Variants in SPINT2 observed in about 807,000 individuals in gnomAD.
The protein encoded by SPINT2 is kunitz-type protease inhibitor 2.
A neutral mutation model predicts 30.1 loss-of-function variants in SPINT2; 18 were observed. That is an observed-to-expected ratio of 0.60 (90% CI 0.41 to 0.89). The LOEUF (loss-of-function observed/expected upper bound fraction) is 0.89, where lower values mean the gene tolerates loss of function less well. Ranked by LOEUF, SPINT2 falls within the 40% of genes least tolerant of loss-of-function variation. The pLI, the probability that SPINT2 is intolerant of heterozygous loss-of-function variation, is 0.00. For missense variants in SPINT2, 276 were observed against 334.3 expected, an observed-to-expected ratio of 0.83 and a Z score of 1.36; for synonymous variants, 139 against 137.9, an observed-to-expected ratio of 1.01 and a Z score of -0.05.
chr19:38,281,255 G>A (rs1968578128), intron 1 of SPINT2, among the ~76,000 whole-genome samples: 1 of 152,042 alleles, frequency 6.6e-6, no homozygotes, highest in Non-Finnish European at 1.5e-5. Context: ...TGGACAAAAG[G>A]TGCCCCTATT....
At chr19:38,282,935 C>T (rs181074359) in intron 1 of SPINT2, among the ~76,000 whole-genome samples, 36 of 152,264 alleles carry the variant, frequency 2.4e-4, no homozygotes, top group African/African-American at 4.1e-4. Flanking sequence ...GACCTTTCAG[C>T]CCTAAGCTCC....
intron 1 of SPINT2, among the ~76,000 whole-genome samples, chr19:38,279,315 A>G (rs1218574581): frequency 1.3e-5 from 2 of 151,904 alleles, no homozygotes; most frequent in East Asian, 1.9e-4. Context: ...CCTCACCAAC[A>G]TTGAGAAACC....
chr19:38,264,874 C>G lies in SPINT2; in HGVS notation c.-19C>G, dbSNP rs1271789110. On this transcript the variant is annotated 5_prime_UTR_variant, in exon 1 of 7. Transcript: ENST00000301244. ...CCAACGGCTGGTGGCGTCGCCTGCG[C>G]GTCTCGGCTGAGCTGGCCATGGCGC... 2.2e-5 allele frequency: 34 copies of G among 1,532,012 alleles called. No individual in the cohort carries two copies. In the East Asian group the frequency reaches 8.1e-4, roughly 36 times the overall value. 94.9% of individuals were successfully genotyped at this position (1,532,012 alleles called of 1,614,324 possible).
intron 1 of SPINT2, among the ~76,000 whole-genome samples, chr19:38,270,514 A>G (rs1481653609): frequency 6.6e-6 from 1 of 152,202 alleles, no homozygotes; most frequent in Non-Finnish European, 1.5e-5. Flanking sequence ...GAACAGATGA[A>G]TGTATGTCTG....
Position 38,283,689 on chromosome 19 carries a change from A to T in SPINT2, c.169A>T (p.Asn57Tyr). The change falls in exon 2 of 7, where the codon AAT becomes TAT. Residue 57 changes from asparagine to tyrosine, a missense_variant. By Grantham distance (143) the Asn-to-Tyr change is moderately radical. Coordinates refer to ENST00000301244, the MANE Select transcript of SPINT2 (RefSeq NM_021102.4). The stretch of plus-strand genomic sequence containing the variant: ...GGCCTCCATGCCTAGGTGGTGGTAC[A>T]ATGTCACTGACGGATCCTGCCAGCT... ...CRASMPRWWYNVTDGSCQLFV... is the reference protein window; with the variant it reads ...CRASMPRWWYYVTDGSCQLFV... 22 of 1,614,096 alleles carry T rather than the reference A, an allele frequency of 1.4e-5. No homozygotes were observed. Among genetic ancestry groups the T allele is most frequent in the Non-Finnish European group, 1.9e-5 (22 of 1,180,036 alleles).
intron 3 of SPINT2, 176 bp from the exon 4 acceptor site, chr19:38,288,962 G>T: frequency 1.6e-6 from 1 of 641,998 alleles, no homozygotes; most frequent in Admixed American, 2.4e-5. Flanking sequence ...CTCTCAGTGT[G>T]TGCGTAGAGC....
chr19:38,287,731 A>G, intron 2 of SPINT2, 145 bp from the exon 3 acceptor site: 1 of 867,622 alleles, frequency 1.2e-6, no homozygotes, highest in Non-Finnish European at 2.0e-6. Flanking sequence ...CTTATTTCCA[A>G]GTTGTGGTCT....
intron 1 of SPINT2, among the ~76,000 whole-genome samples, chr19:38,268,851 C>A (rs1334281889): frequency 2.0e-5 from 3 of 151,484 alleles, no homozygotes; most frequent in Admixed American, 6.6e-5. Context: ...GGATTTTTTT[C>A]TTTTCCTTTT....
At chr19:38,287,702 C>T (rs562307871) in intron 2 of SPINT2, among the ~76,000 whole-genome samples, 174 bp from the exon 3 acceptor site, 12 of 152,218 alleles carry the variant, frequency 7.9e-5, no homozygotes, top group Non-Finnish European at 1.2e-4. Flanking sequence ...GTTTCCTCTT[C>T]GGGAGGCAAT....
At chr19:38,277,276 G>T (rs1968531309) in intron 1 of SPINT2, among the ~76,000 whole-genome samples, 1 of 151,386 alleles carries the variant, frequency 6.6e-6, no homozygotes, top group African/African-American at 2.4e-5. Context: ...TTGAGATGAG[G>T]TCTCTGTCAC....
chr19:38,288,725 C>T, intron 3 of SPINT2: 1 of 240,626 alleles, frequency 4.2e-6, no homozygotes, highest in Non-Finnish European at 8.4e-6. Flanking sequence ...CTTTGCTAGG[C>T]CTGGAGTCCT....
chr19:38,269,466 C>T (rs1198323218), intron 1 of SPINT2, among the ~76,000 whole-genome samples: 12 of 139,810 alleles, frequency 8.6e-5, no homozygotes, highest in East Asian at 8.3e-4. Context: ...AGTGCAGTGG[C>T]GCCATCTTGG....
intron 1 of SPINT2, among the ~76,000 whole-genome samples, chr19:38,273,165 T>C (rs1164879451): frequency 1.3e-5 from 2 of 152,240 alleles, no homozygotes; most frequent in Non-Finnish European, 2.9e-5. Flanking sequence ...CTGAGGTTTT[T>C]TTTTGAAAGG....
chr19:38,290,437 GAAAGAGCTCC>G lies in SPINT2; in HGVS notation c.554-99_554-90del, dbSNP rs1327501882. Reference sequence around the variant, plus strand: ...AGAAAAGCTGGAAGAAAGCCCCTCAGAAAGAGCTCCCCATGGAGGCCCTGGCTGAGGGGAT... The same window carrying G: ...AGAAAAGCTGGAAGAAAGCCCCTCAGCCATGGAGGCCCTGGCTGAGGGGAT... On this transcript the variant is annotated intron_variant, in intron 5 of 6. Coordinates refer to ENST00000301244, the MANE Select transcript of SPINT2 (RefSeq NM_021102.4). This position sits in a 1 kb window ranked among gnomAD's most constrained non-coding sequence, Gnocchi z 4.3. The G allele has an allele frequency of 3.6e-5, 58 of 1,606,522 alleles. No individual in the cohort carries two copies. The highest frequency in any genetic ancestry group is 4.8e-5 in the Non-Finnish European group (56 of 1,176,058).
chr19:38,264,934 C>T lies in SPINT2; in HGVS notation c.42C>T (p.Leu14=). The change falls in exon 1 of 7, where the codon CTC becomes CTT. Residue 14 remains leucine (L), a synonymous_variant. Coordinates refer to ENST00000301244, the MANE Select transcript of SPINT2 (RefSeq NM_021102.4). ...GGCTGAGGCGGAGCCGGGCGTTTCT[C>T]GCCCTGCTGGGATCGCTGCTCCTCT... ...LCGLRRSRAF[L]ALLGSLLLSG... The T allele has an allele frequency of 6.5e-7, 1 of 1,536,398 alleles. No homozygotes were observed. Among genetic ancestry groups the T allele is most frequent in the East Asian group, 2.4e-5 (1 of 40,894 alleles).
chr19:38,274,102 A>G (rs374914302), intron 1 of SPINT2, among the ~76,000 whole-genome samples: 5 of 152,080 alleles, frequency 3.3e-5, no homozygotes, highest in African/African-American at 2.4e-5. Context: ...ATGGTGGCAC[A>G]CGCCTATAGT....
intron 3 of SPINT2, chr19:38,288,782 C>A: frequency 3.3e-6 from 1 of 300,786 alleles, no homozygotes; most frequent in Non-Finnish European, 6.5e-6. Context: ...TTATCCTCTG[C>A]TAGCCCCCCC....
Position 38,265,308 on chromosome 19 carries a change from T to C in SPINT2, c.106+310T>C, listed in dbSNP as rs759472854. 1.7e-4 allele frequency: 39 copies of C among 224,930 alleles called. 1 individual carries two copies. Among genetic ancestry groups the C allele is most frequent in the Non-Finnish European group, 2.2e-4 (25 of 111,566 alleles). The allele number at this position is 224,930 out of a possible 1,614,324, so 13.9% of individuals were successfully genotyped here. A position where few individuals can be genotyped will look rare whatever the true frequency, so the allele number is the denominator to read the frequency against. Reference sequence around the variant, plus strand: ...GGCAAGAACGGGGTGAGGAGCCGAATTGAAGACCAGCCTTCTCCTGGCGGT... The same window carrying C: ...GGCAAGAACGGGGTGAGGAGCCGAACTGAAGACCAGCCTTCTCCTGGCGGT... On this transcript the variant is annotated intron_variant, in intron 1 of 6. Transcript: ENST00000301244.
chr19:38,289,037 G>C (rs753924624), intron 3 of SPINT2, 101 bp from the exon 4 acceptor site: 36 of 1,044,036 alleles, frequency 3.4e-5, no homozygotes, highest in Non-Finnish European at 5.1e-5. Flanking sequence ...CTTCTTAAAG[G>C]CGTGTCCACA....
Sources: allele counts gnomAD v4.1 joint callset (sites outside exome capture counted in the v4.1 genomes callset), GRCh38; gene constraint gnomAD v4.1.1; non-coding constraint Gnocchi (gnomAD v3.1); transcripts MANE v1.5; gene names NCBI Gene and HGNC (gene_info 2026-07-23, HGNC 2026-07-21).